Variants in C16orf89 observed in about 807,000 individuals in gnomAD.
C16orf89 encodes chromosome 16 open reading frame 89.
A neutral mutation model predicts 41.5 loss-of-function variants in C16orf89; 57 were observed. That is an observed-to-expected ratio of 1.38 (90% CI 1.11 to 1.71). The LOEUF (loss-of-function observed/expected upper bound fraction) is 1.71. C16orf89 is among the 40% of genes most tolerant of loss of function. The pLI is 0.00. For synonymous variants in C16orf89, 223 were observed against 190.6 expected (o/e 1.17, Z -1.40); for missense variants, 575 against 445.9 (o/e 1.29, Z -2.61).
At chr16:5,058,722 C>T in intron 3 of C16orf89, 112 bp from the exon 4 acceptor site, 2 of 815,742 alleles carry the variant, frequency 2.5e-6, no homozygotes, top group Non-Finnish European at 3.8e-6. Flanking sequence ...AGACACCCAG[C>T]TGGGCATGGG....
intron 2 of C16orf89, 102 bp downstream of exon 2, chr16:5,062,323 C>T (rs1956642852): frequency 1.4e-6 from 2 of 1,394,544 alleles, no homozygotes; most frequent in Non-Finnish European, 9.5e-7. Flanking sequence ...TACGGACTGT[C>T]CCAGCCCAGC....
rs111455501 is a variant in C16orf89, at chr16:5,062,682, C to G, written c.209-108G>C. 180 of 1,238,800 alleles carry G rather than the reference C, an allele frequency of 1.5e-4. 2 individuals carry two copies. In the African/African-American group the frequency reaches 1.7e-3, roughly 11 times the overall value. The allele number at this position is 1,238,800 out of a possible 1,614,324, so 76.7% of individuals were successfully genotyped here. On this transcript the variant is annotated intron_variant, in intron 1 of 7. Coordinates refer to ENST00000472572, the MANE Select transcript of C16orf89 (RefSeq NM_001098514.3). The stretch of plus-strand genomic sequence containing the variant: ...AAAGTCTAATGCTTCCTGGGAGCCT[C>G]TCTGCCTTCTCCAGCACTCAGAGGG...
Position 5,044,403 on chromosome 16 carries a change from G to T in C16orf89, c.1031C>A (p.Pro344His). The change falls in exon 8 of 8, where the codon CCC becomes CAC. Residue 344 changes from proline to histidine, a missense_variant. By Grantham distance (77) the Pro-to-His change is moderately conservative (BLOSUM62 -2). Transcript: ENST00000472572. ...TGGGTGTGGCTCTCTGTTTGCTGGG[G>T]GGTATTCTGCCAGGATGTATAGGAA... ...GGFLYILAEY[P>H]PANREPHPST... 7 of 1,612,772 alleles carry T rather than the reference G, an allele frequency of 4.3e-6. No homozygotes were observed. The highest frequency in any genetic ancestry group is 2.7e-5 in the African/African-American group (2 of 74,986).
chr16:5,058,340 C>T lies in C16orf89; in HGVS notation c.627+153G>A, dbSNP rs1161869018. Among the ~76,000 whole-genome samples, 6 of 152,120 alleles carry T rather than the reference C, an allele frequency of 3.9e-5. No individual in the cohort carries two copies. In the South Asian group the frequency reaches 6.2e-4, roughly 16 times the overall value. ...TAGAGAATGGGTTTCACCATGTTGG[C>T]CCAGCTGGTTTTGAACTCCTGGCCT... On this transcript the variant is annotated intron_variant, in intron 4 of 7. Transcript: ENST00000472572.
At position 5,056,060 on chromosome 16, in the gene C16orf89, C is replaced by T. The variant is rs369867447; in HGVS notation, c.756G>A (p.Met252Ile). 3 of 1,579,462 alleles carry T rather than the reference C, an allele frequency of 1.9e-6. No homozygotes were observed. Among genetic ancestry groups the T allele is most frequent in the Non-Finnish European group, 2.6e-6 (3 of 1,156,548 alleles). ...GCAGAATGCTGGCCATACTGTTTTC[C>T]ATGAAGATGTCCCGGGTAGGGTAGG... is the stretch of plus-strand genomic sequence containing the variant. ...GYAYPTRDIFMENIMFCGMGG... is the reference protein window; with the variant it reads ...GYAYPTRDIFIENIMFCGMGG... The change falls in exon 5 of 8, where the codon ATG becomes ATA. Residue 252 changes from methionine to isoleucine, a missense_variant. Coordinates refer to ENST00000472572, the MANE Select transcript of C16orf89 (RefSeq NM_001098514.3).
chr16:5,044,594 C>G, intron 7 of C16orf89, 116 bp from the exon 8 acceptor site: 2 of 1,526,344 alleles, frequency 1.3e-6, no homozygotes, highest in Non-Finnish European at 8.8e-7. Flanking sequence ...TATAATCCCA[C>G]ACTTTGGGAG....
At chr16:5,044,843 C>CAAA (rs77991061) in intron 7 of C16orf89, 9 of 1,024,910 alleles carry the variant, frequency 8.8e-6, no homozygotes, top group East Asian at 7.3e-5. Context: ...GAATCTGTCT[C>CAAA]AAAAAAAAAA....
downstream of C16orf89, chr16:5,042,863 G>A (rs1054416564): frequency 6.6e-6 from 1 of 152,278 alleles, no homozygotes; most frequent in Non-Finnish European, 1.5e-5. The surrounding 1 kb of genome is among the most constrained non-coding windows in gnomAD (Gnocchi z 4.2). Flanking sequence ...CTCGAGGGAA[G>A]AGCTGTAAGC....
chr16:5,057,581 T>G (rs1269460279), intron 4 of C16orf89, among the ~76,000 whole-genome samples: 1 of 151,662 alleles, frequency 6.6e-6, no homozygotes, highest in Non-Finnish European at 1.5e-5. Context: ...GCATATATAA[T>G]GTAGTAGCAT....
In C16orf89 at chr16:5,065,882, C is replaced by A; in HGVS notation, c.27G>T (p.Leu9=). 6.2e-7 allele frequency: 1 copy of A among 1,614,010 alleles called. No homozygotes were observed. Among genetic ancestry groups the A allele is most frequent in the Admixed American group, 1.7e-5 (1 of 60,006 alleles). The change falls in exon 1 of 8, where the codon CTG becomes CTT. Residue 9 remains leucine (L), a synonymous_variant. Coordinates refer to ENST00000472572, the MANE Select transcript of C16orf89 (RefSeq NM_001098514.3). ...GCGGTGGCAGTGCTGTCAGTAAGAG[C>A]AGGAGCAGCAGCCCCAGGCTGGCCA... is the stretch of plus-strand genomic sequence containing the variant. MASLGLLL[L]LLLTALPPLW...
At chr16:5,051,382 A>G (rs1237177968) in intron 6 of C16orf89, among the ~76,000 whole-genome samples, 1 of 152,240 alleles carries the variant, frequency 6.6e-6, no homozygotes, top group Non-Finnish European at 1.5e-5. Flanking sequence ...AACATACAAA[A>G]AATCAGTAGC....
intron 6 of C16orf89, among the ~76,000 whole-genome samples, chr16:5,050,805 A>G (rs959079456): frequency 6.6e-6 from 1 of 152,228 alleles, no homozygotes; most frequent in Admixed American, 6.5e-5. Flanking sequence ...TACTTTGACC[A>G]CTTCCAGTAA....
downstream of C16orf89, chr16:5,044,090 C>T (rs989644315): frequency 8.7e-7 from 1 of 1,155,562 alleles, no homozygotes; most frequent in Non-Finnish European, 1.1e-6. Flanking sequence ...CAAGGTTGTC[C>T]TCAAAGCTGA....
intron 2 of C16orf89, among the ~76,000 whole-genome samples, chr16:5,061,502 A>AAAAAAAAAG (rs796550657): frequency 2.1e-5 from 1 of 46,650 alleles, no homozygotes; most frequent in African/African-American, 9.9e-5. Context: ...AAAAAAAAAA[A>AAAAAAAAAG]AACCCCCCCA....
At position 5,055,305 on chromosome 16, in the gene C16orf89, C is replaced by A; in HGVS notation, c.809G>T (p.Arg270Leu). Residue 270 changes from arginine (R) to leucine (L), a missense_variant, in exon 6 of 8, where the codon CGG (arginine) becomes CTG (leucine). Transcript: ENST00000472572. ...CCAGCTGAGAATGGCCTCCAGCCACCGGAGCTTGTAGAAGTCGGAGAAGCC... is the reference window on the plus strand; with the variant it reads ...CCAGCTGAGAATGGCCTCCAGCCACAGGAGCTTGTAGAAGTCGGAGAAGCC... ...MGGFSDFYKL[R>L]WLEAILSWQK... 1 of 1,613,584 alleles carries A rather than the reference C, an allele frequency of 6.2e-7. No individual in the cohort carries two copies. The highest frequency in any genetic ancestry group is 2.2e-5 in the East Asian group (1 of 44,852).
chr16:5,050,821 G>T (rs1363112336), intron 6 of C16orf89, among the ~76,000 whole-genome samples: 1 of 152,182 alleles, frequency 6.6e-6, no homozygotes, highest in Non-Finnish European at 1.5e-5. Flanking sequence ...AGTAAGTAAT[G>T]AATGTTTTGC....
chr16:5,053,545 T>G (rs962245698), intron 6 of C16orf89, among the ~76,000 whole-genome samples: 1 of 151,582 alleles, frequency 6.6e-6, no homozygotes, highest in African/African-American at 2.4e-5. Flanking sequence ...TTTGTGGTTT[T>G]TTTTTTTTTT....
intron 1 of C16orf89, 119 bp from the exon 2 acceptor site, chr16:5,062,693 C>T: frequency 2.6e-6 from 3 of 1,154,008 alleles, no homozygotes; most frequent in Non-Finnish European, 2.4e-6. Flanking sequence ...TCTGCCTTCT[C>T]CAGCACTCAG....
chr16:5,050,011 A>G (rs1291712912), intron 6 of C16orf89, among the ~76,000 whole-genome samples: 1 of 152,222 alleles, frequency 6.6e-6, no homozygotes, highest in African/African-American at 2.4e-5. Context: ...AGGAACTTTT[A>G]CAGCTGATAC....
Sources: gnomAD v4.1 joint callset for allele counts (sites outside exome capture counted in the v4.1 genomes callset) on GRCh38, gnomAD v4.1.1 for gene constraint, Gnocchi (gnomAD v3.1) non-coding constraint, MANE v1.5 for transcripts, NCBI Gene and HGNC (gene_info 2026-07-23, HGNC 2026-07-21) for gene names.